The following PRKAR1B variants were observed in gnomAD, a reference collection of about 807,000 sequenced individuals.
The protein encoded by PRKAR1B is cAMP-dependent protein kinase type I-beta regulatory subunit.
In PRKAR1B, 22 loss-of-function variants were observed where a neutral mutation model predicts 46.5. That is an observed-to-expected ratio of 0.47 (90% confidence interval 0.34 to 0.68). The LOEUF (loss-of-function observed/expected upper bound fraction) is 0.68. Ranked by LOEUF, PRKAR1B falls within the 30% of genes least tolerant of loss-of-function variation. The pLI, the probability that PRKAR1B is intolerant of heterozygous loss-of-function variation, is 0.01. For missense variants in PRKAR1B, 445 were observed against 535.6 expected (o/e 0.83, Z 1.67); for synonymous variants, 259 against 217.7 (o/e 1.19, Z -1.67).
intron 4 of PRKAR1B, among the ~76,000 whole-genome samples, chr7:628,869 C>A (rs894847618): frequency 1.6e-5 from 1 of 60,892 alleles, no homozygotes; most frequent in African/African-American, 5.0e-5. Flanking sequence ...CAAGGACCCC[C>A]CAAGTCAGGC....
intron 4 of PRKAR1B, among the ~76,000 whole-genome samples, chr7:629,240 C>T (rs1043629673): frequency 6.6e-6 from 1 of 152,254 alleles, no homozygotes; most frequent in Non-Finnish European, 1.5e-5. Flanking sequence ...TGGCTCCAAG[C>T]GCGAGGGCTG....
At chr7:727,017 G>A in intron 1 of PRKAR1B, 193 bp downstream of exon 1, 3 of 1,215,284 alleles carry the variant, frequency 2.5e-6, no homozygotes, top group Non-Finnish European at 3.1e-6. Context: ...CAGTGCACCT[G>A]CTGGATCTGG....
In PRKAR1B at chr7:677,258, G is replaced by C. The variant is rs768122368; in HGVS notation, c.411C>G (p.Leu137=). The part of the protein sequence containing the change: ...ALAKAISKNV[L]FAHLDDNERS... ...TCTCGTTGTCATCCAGGTGAGCGAA[G>C]AGCACGTTCTTGGAGATGGCCTTGG... Residue 137 remains leucine, a synonymous_variant, in exon 4 of 11, where the codon CTC becomes CTG. Transcript: ENST00000537384. 1.9e-6 allele frequency: 3 copies of C among 1,614,268 alleles called. No individual in the cohort carries two copies. Among genetic ancestry groups the C allele is most frequent in the East Asian group, 4.5e-5 (2 of 44,882 alleles).
Position 629,620 on chromosome 7 carries a change from A to C in PRKAR1B, c.441-22168T>G, listed in dbSNP as rs564101367. Among the ~76,000 whole-genome samples the C allele has an allele frequency of 5.1e-5, 5 of 97,396 alleles. No homozygotes were observed. The East Asian group carries it at 1.9e-3, about 37-fold the overall frequency. The allele number at this position is 97,396 out of a possible 152,430, so 63.9% of individuals were successfully genotyped here. On this transcript the variant is annotated intron_variant, in intron 4 of 10. Transcript: ENST00000537384. ...TGCAGGAGCGGGGCCACGGCCTCCGAAGGCACCACCACCCCAAGGCTGGAA... is the reference window on the plus strand; with the variant it reads ...TGCAGGAGCGGGGCCACGGCCTCCGCAGGCACCACCACCCCAAGGCTGGAA...
rs1427124492 is a variant in PRKAR1B, at chr7:666,331, G to A, written c.440+10898C>T. On this transcript the variant is annotated intron_variant, in intron 4 of 10. Transcript: ENST00000537384. This position sits in a 1 kb window ranked among gnomAD's most constrained non-coding sequence, Gnocchi z 4.9. ...CTCCAGGGACAGCCTTCATGGTCCTGGCACATCAGAGAGCTCCGGAGCACG... is the reference window on the plus strand; with the variant it reads ...CTCCAGGGACAGCCTTCATGGTCCTAGCACATCAGAGAGCTCCGGAGCACG... Among the ~76,000 whole-genome samples the A allele has an allele frequency of 1.3e-5, 2 of 149,908 alleles. No individual in the cohort carries two copies. The highest frequency in any genetic ancestry group is 2.5e-5 in the African/African-American group (1 of 40,434).
At chr7:614,027 A>G (rs901976819) in intron 4 of PRKAR1B, among the ~76,000 whole-genome samples, 8 of 152,232 alleles carry the variant, frequency 5.3e-5, no homozygotes, top group African/African-American at 1.9e-4. Context: ...TGTGAGGTTC[A>G]GGTCAGCATG....
rs1288229627 is a variant in PRKAR1B at position 667,166 on chromosome 7, G to C, written c.440+10063C>G. Among the ~76,000 whole-genome samples the C allele has an allele frequency of 6.6e-6, 1 of 152,018 alleles. No individual in the cohort carries two copies. The highest frequency in any genetic ancestry group is 1.5e-5 in the Non-Finnish European group (1 of 67,996). On this transcript the variant is annotated intron_variant, in intron 4 of 10. Transcript: ENST00000537384. The surrounding 1 kb of genome is among the most constrained non-coding windows in gnomAD (Gnocchi z 4.3). ...TGGTGATGGTGATGATAATGATGGT[G>C]ATGATGACAGTGATGATGGTGATGG...
At position 680,703 on chromosome 7, in the gene PRKAR1B, C is replaced by A. The variant is rs147480983; in HGVS notation, c.201G>T (p.Ala67=). The A allele has an allele frequency of 6.2e-7, 1 of 1,613,922 alleles. No individual in the cohort carries two copies. The highest frequency in any genetic ancestry group is 1.1e-5 in the South Asian group (1 of 91,066). The change falls in exon 3 of 11, where the codon GCG becomes GCT. Residue 67 remains alanine (A), a synonymous_variant. Transcript: ENST00000537384. The part of the protein sequence containing the change: ...LEKEENRQIL[A]RQKSNSQSDS... ...CCGACTGTGAGTTTGACTTTTGCCG[C>A]GCCAAAATCTGCCTGTTTTCTTCCT...
intron 9 of PRKAR1B, among the ~76,000 whole-genome samples, chr7:576,661 C>G (rs568017215): frequency 6.6e-6 from 1 of 151,784 alleles, no homozygotes; most frequent in African/African-American, 2.4e-5. Context: ...TCCAGGTCAG[C>G]AGAAATCTCC....
At chr7:607,966 A>G (rs1217359722) in intron 4 of PRKAR1B, 3 of 157,420 alleles carry the variant, frequency 1.9e-5, no homozygotes, top group Non-Finnish European at 4.2e-5. Flanking sequence ...ATGACACGCA[A>G]ACTCGAAGCC....
At chr7:584,604 G>C in intron 7 of PRKAR1B, 36 bp from the exon 8 acceptor site, 1 of 1,553,298 alleles carries the variant, frequency 6.4e-7, no homozygotes, top group Non-Finnish European at 8.9e-7. Flanking sequence ...ACAAGAAGGT[G>C]AATCTTCATA....
chr7:567,880 G>C (rs561125348), intron 9 of PRKAR1B, among the ~76,000 whole-genome samples: 4 of 152,112 alleles, frequency 2.6e-5, no homozygotes, highest in Non-Finnish European at 4.4e-5. Flanking sequence ...GGCTGGGAGA[G>C]GGGGGTGGGG....
At chr7:638,568 C>A (rs532151449) in intron 4 of PRKAR1B, among the ~76,000 whole-genome samples, 81 of 151,980 alleles carry the variant, frequency 5.3e-4, no homozygotes, top group African/African-American at 1.9e-3. Flanking sequence ...CAATGCCAGC[C>A]AGCCCTGCTA....
chr7:715,947 C>T (rs976442949), intron 1 of PRKAR1B, among the ~76,000 whole-genome samples: 2 of 152,156 alleles, frequency 1.3e-5, no homozygotes, highest in African/African-American at 4.8e-5. Context: ...GGTCTCCTGA[C>T]CTCGTGATCC....
At chr7:551,130 G>C (rs143091904) in intron 10 of PRKAR1B, among the ~76,000 whole-genome samples, 2,843 of 152,224 alleles carry the variant, frequency 0.019, 83 homozygotes, top group African/African-American at 0.065. Flanking sequence ...GAAGCAGGAG[G>C]CTGCCTCCCC....
intron 4 of PRKAR1B, among the ~76,000 whole-genome samples, chr7:652,644 G>T (rs752501429): frequency 6.6e-6 from 1 of 152,270 alleles, no homozygotes; most frequent in Non-Finnish European, 1.5e-5. Context: ...CTGCCCTAGG[G>T]ACTGGCAGTC....
At chr7:636,718 A>T (rs1296697546) in intron 4 of PRKAR1B, among the ~76,000 whole-genome samples, 1 of 152,238 alleles carries the variant, frequency 6.6e-6, no homozygotes, top group Non-Finnish European at 1.5e-5. Context: ...GCTGTGCTGT[A>T]GAAGCCTGCT....
At chr7:586,172 TC>T (rs1780582736) in intron 7 of PRKAR1B, among the ~76,000 whole-genome samples, 2 of 152,064 alleles carry the variant, frequency 1.3e-5, no homozygotes, top group Non-Finnish European at 2.9e-5. Context: ...CTAGACAGAC[TC>T]CCAGAGCGTG....
intron 9 of PRKAR1B, among the ~76,000 whole-genome samples, chr7:557,660 C>T (rs1297622904): frequency 6.6e-6 from 1 of 152,182 alleles, no homozygotes; most frequent in African/African-American, 2.4e-5. Flanking sequence ...GCAACCACCA[C>T]GTACCCTCAG....
Sources: gnomAD v4.1 joint callset for allele counts (sites outside exome capture counted in the v4.1 genomes callset) on GRCh38, gnomAD v4.1.1 for gene constraint, Gnocchi (gnomAD v3.1) non-coding constraint, MANE v1.5 for transcripts, NCBI Gene and HGNC (gene_info 2026-07-23, HGNC 2026-07-21) for gene names.